The following ANO4 variants were observed in gnomAD, a reference collection of about 807,000 sequenced individuals.
ANO4 encodes anoctamin 4.
Under a neutral mutation model 141.9 loss-of-function variants are expected in ANO4, and 69 were observed. The observed-to-expected ratio is 0.49, with a 90% CI of 0.40 to 0.59. The LOEUF is 0.59. Among genes scored for constraint, ANO4 ranks in the 20% least tolerant of loss-of-function variants. ANO4 has a pLI of 0.00. For missense variants in ANO4, 894 were observed against 1,162.2 expected (o/e 0.77, Z 3.36); for synonymous variants, 350 against 394.3 (o/e 0.89, Z 1.33).
At chr12:100,747,795 C>G (rs1436201485) in intron 3 of ANO4, among the ~76,000 whole-genome samples, 2 of 152,220 alleles carry the variant, frequency 1.3e-5, no homozygotes, top group Non-Finnish European at 2.9e-5. Flanking sequence ...ATCACTTGAA[C>G]CCGGGAGGTG....
rs78101934 is a variant in ANO4 at position 100,971,855 on chromosome 12, T to A, written c.557+449T>A. Reference sequence around the variant, plus strand: ...TTTCATGACAGTGTGATCTTCTTTTTAAAAAAAAAACAAAAAAAACCACTT... The same window carrying A: ...TTTCATGACAGTGTGATCTTCTTTTAAAAAAAAAAACAAAAAAAACCACTT... On this transcript the variant is annotated intron_variant, in intron 6 of 27. Coordinates refer to ENST00000392977, the MANE Select transcript of ANO4 (RefSeq NM_001286615.2). Among the ~76,000 whole-genome samples the A allele has an allele frequency of 5.7e-4, 84 of 148,278 alleles. 1 individual carries two copies. The highest frequency in any genetic ancestry group is 3.9e-3 in the Admixed American group (58 of 14,856).
intron 3 of ANO4, among the ~76,000 whole-genome samples, chr12:100,783,131 G>C (rs1409388075): frequency 6.6e-6 from 1 of 152,134 alleles, no homozygotes; most frequent in Admixed American, 6.5e-5. Flanking sequence ...CATCCAGTGT[G>C]CTTTGCACCT....
intron 26 of ANO4, among the ~76,000 whole-genome samples, chr12:101,123,918 A>G (rs544777807): frequency 1.4e-4 from 21 of 152,122 alleles, no homozygotes; most frequent in African/African-American, 4.8e-4. Context: ...GCATCTTTTC[A>G]TATTATTTTT....
intron 3 of ANO4, among the ~76,000 whole-genome samples, chr12:100,938,232 C>T (rs545533439): frequency 1.3e-4 from 20 of 152,340 alleles, no homozygotes; most frequent in African/African-American, 4.3e-4. Context: ...CCAAACTCTG[C>T]TCTTTTCATT....
Position 101,099,641 on chromosome 12 carries a change from A to C in ANO4, c.2070A>C (p.Ile690=). 1 of 1,612,376 alleles carries C rather than the reference A, an allele frequency of 6.2e-7. No individual in the cohort carries two copies. Among genetic ancestry groups the C allele is most frequent in the Non-Finnish European group, 8.5e-7 (1 of 1,179,396 alleles). ...VRQEHGPERK[I]SFPQWEKDYN... ...AAGAACATGGACCTGAAAGGAAAAT[A>C]AGTTTCCCACAATGGGAAAAGGACT... Residue 690 remains isoleucine, a synonymous_variant, in exon 22 of 28, where the codon ATA becomes ATC. Coordinates refer to ENST00000392977, the MANE Select transcript of ANO4 (RefSeq NM_001286615.2).
chr12:100,960,237 T>A (rs1488447695), intron 5 of ANO4, among the ~76,000 whole-genome samples: 3 of 150,712 alleles, frequency 2.0e-5, no homozygotes, highest in Admixed American at 6.6e-5. Flanking sequence ...TATATATACA[T>A]GTACATACAT....
At chr12:100,884,152 A>G (rs1309323196) in intron 1 of ANO4, among the ~76,000 whole-genome samples, 2 of 152,248 alleles carry the variant, frequency 1.3e-5, no homozygotes, top group African/African-American at 2.4e-5. Context: ...TTTTTCAAAC[A>G]TTTGTTAAAC....
intron 1 of ANO4, among the ~76,000 whole-genome samples, chr12:100,811,805 A>G (rs1189530923): frequency 6.6e-6 from 1 of 152,166 alleles, no homozygotes; most frequent in East Asian, 1.9e-4. Flanking sequence ...TGAGTCACAA[A>G]GTTGAATAAC....
At chr12:101,085,061 C>T (rs2049429777) in intron 16 of ANO4, among the ~76,000 whole-genome samples, 1 of 152,184 alleles carries the variant, frequency 6.6e-6, no homozygotes, top group Non-Finnish European at 1.5e-5. Context: ...TTTGGCCAGT[C>T]TGAGCTAGGA....
intron 7 of ANO4, among the ~76,000 whole-genome samples, chr12:100,977,309 G>A (rs1400329706): frequency 2.6e-5 from 4 of 152,016 alleles, no homozygotes; most frequent in Non-Finnish European, 5.9e-5. Flanking sequence ...TAACTGTTCT[G>A]AGTTTATCTG....
intron 3 of ANO4, among the ~76,000 whole-genome samples, chr12:100,780,304 A>G (rs2033674176): frequency 6.6e-6 from 1 of 152,210 alleles, no homozygotes; most frequent in Non-Finnish European, 1.5e-5. Context: ...CTGACAGTGA[A>G]AGAAAGCAAG....
chr12:100,998,220 C>T (rs2045475896), intron 8 of ANO4, among the ~76,000 whole-genome samples: 1 of 152,182 alleles, frequency 6.6e-6, no homozygotes, highest in South Asian at 2.1e-4. Flanking sequence ...GTCTCCTAGC[C>T]TACATCTCCC....
intron 19 of ANO4, 109 bp from the exon 20 acceptor site, chr12:101,097,542 A>G: frequency 3.8e-6 from 4 of 1,047,028 alleles, no homozygotes; most frequent in South Asian, 1.3e-5. Context: ...CAGACCTACT[A>G]CTTATAGTAG....
chr12:100,790,965 A>G (rs889611673), upstream of ANO4, among the ~76,000 whole-genome samples: 3 of 152,216 alleles, frequency 2.0e-5, no homozygotes, highest in Non-Finnish European at 4.4e-5. Flanking sequence ...GATAATTAGG[A>G]TTTTAGAATT....
At chr12:100,764,649 T>A (rs938169049) in intron 3 of ANO4, among the ~76,000 whole-genome samples, 7 of 152,202 alleles carry the variant, frequency 4.6e-5, no homozygotes, top group African/African-American at 1.7e-4. Context: ...TATTTGTTTT[T>A]ACTTTATACA....
chr12:101,035,291 T>C (rs12825371), intron 9 of ANO4, among the ~76,000 whole-genome samples: 17,222 of 152,232 alleles, frequency 0.11, 1,124 homozygotes, highest in East Asian at 0.22. Flanking sequence ...GTAAATGTTA[T>C]ATGATTCCAT....
chr12:100,783,742 A>G (rs1035258441), intron 3 of ANO4, among the ~76,000 whole-genome samples: 1 of 152,140 alleles, frequency 6.6e-6, no homozygotes, highest in Non-Finnish European at 1.5e-5. Context: ...CTGTTCTTGG[A>G]TCGGGAAGGC....
chr12:101,092,468 G>T (rs370306120), intron 17 of ANO4, among the ~76,000 whole-genome samples: 2 of 152,260 alleles, frequency 1.3e-5, no homozygotes, highest in South Asian at 4.1e-4. Context: ...TCTCTCAACC[G>T]TCTAATGAGA....
chr12:100,888,309 A>C (rs1042609444), intron 1 of ANO4, among the ~76,000 whole-genome samples: 4 of 152,224 alleles, frequency 2.6e-5, no homozygotes, highest in African/African-American at 9.6e-5. Flanking sequence ...TCCAACAAAC[A>C]AACAGATTTT....
Sources: gnomAD v4.1 joint callset for allele counts (sites outside exome capture counted in the v4.1 genomes callset) on GRCh38, gnomAD v4.1.1 for gene constraint, MANE v1.5 for transcripts, NCBI Gene and HGNC (gene_info 2026-07-23, HGNC 2026-07-21) for gene names.